RPL24: variants seen among roughly 807,000 people sequenced by gnomAD.
RPL24 encodes ribosomal protein L24, also known as large ribosomal subunit protein eL24.
A neutral mutation model predicts 26.4 loss-of-function variants in RPL24; 7 were observed. That is an observed-to-expected ratio of 0.27 (90% CI 0.15 to 0.50). RPL24 has a LOEUF of 0.50. RPL24 is among the 20% of genes least tolerant of loss of function. The pLI is 0.98. For missense variants in RPL24, 109 were observed against 194.9 expected, an observed-to-expected ratio of 0.56 and a Z score of 2.62; for synonymous variants, 67 against 65.2, an observed-to-expected ratio of 1.03 and a Z score of -0.13.
chr3:101,686,268 C>T (rs1166364070), intron 2 of RPL24: 2 of 593,498 alleles, frequency 3.4e-6, no homozygotes, highest in East Asian at 2.8e-5. Context: ...ACATCAGTTA[C>T]ATAAACCCCT....
chr3:101,685,948 G>T lies in RPL24; in HGVS notation c.82-20C>A. 6.8e-7 allele frequency: 1 copy of T among 1,464,500 alleles called. No homozygotes were observed. The highest frequency in any genetic ancestry group is 9.6e-7 in the Non-Finnish European group (1 of 1,043,626). 90.7% of individuals were successfully genotyped at this position (1,464,500 alleles called of 1,614,324 possible). On this transcript the variant is annotated intron_variant, in intron 2 of 5. Transcript: ENST00000394077. ...GAAAACCTAGAGTGACAAATGCAAAGGAATTACTATTTAACTATACAAAGT... is the reference window on the plus strand; with the variant it reads ...GAAAACCTAGAGTGACAAATGCAAATGAATTACTATTTAACTATACAAAGT...
intron 2 of RPL24, chr3:101,686,151 C>CTAT (rs1937338859): frequency 6.9e-6 from 4 of 578,104 alleles, no homozygotes; most frequent in African/African-American, 1.9e-5. Flanking sequence ...AATCTAGGCT[C>CTAT]ATAGCAAAGG....
At chr3:101,686,437 T>A in intron 2 of RPL24, 45 bp downstream of exon 2, 1 of 1,563,326 alleles carries the variant, frequency 6.4e-7, no homozygotes, top group East Asian at 2.3e-5. Flanking sequence ...CAGCCTTTCC[T>A]CCTCGGAGTA....
At position 101,682,566 on chromosome 3, in the gene RPL24, G is replaced by C. The variant is rs956191543; in HGVS notation, c.330-74C>G. On this transcript the variant is annotated intron_variant, in intron 4 of 5. Coordinates refer to ENST00000394077, the MANE Select transcript of RPL24 (RefSeq NM_000986.4). Reference sequence around the variant, plus strand: ...TACAACTTATTATTAGAGTTAGACTGTACTGGACAAGTACAATGACCATAT... The same window carrying C: ...TACAACTTATTATTAGAGTTAGACTCTACTGGACAAGTACAATGACCATAT... 3.1e-6 allele frequency: 4 copies of C among 1,288,238 alleles called. No homozygotes were observed. In the African/African-American group the frequency reaches 5.9e-5, roughly 19 times the overall value. 79.8% of individuals were successfully genotyped at this position (1,288,238 alleles called of 1,614,324 possible).
intron 3 of RPL24, among the ~76,000 whole-genome samples, chr3:101,684,685 G>GGGA (rs2108339992): frequency 6.7e-6 from 1 of 148,552 alleles, no homozygotes; most frequent in South Asian, 2.2e-4. Context: ...AGGCGGAGGT[G>GGGA]GGAGGATCAC....
At chr3:101,682,936 AG>A in intron 3 of RPL24, 29 bp from the exon 4 acceptor site, 6 of 1,592,276 alleles carry the variant, frequency 3.8e-6, no homozygotes, top group Non-Finnish European at 5.1e-6. Context: ...GGGCACACTT[AG>A]GAACCTTCCT....
intron 5 of RPL24, chr3:101,682,148 T>C: frequency 2.9e-6 from 1 of 345,916 alleles, no homozygotes; most frequent in Middle Eastern, 9.0e-4. Context: ...GGTCAAGAGT[T>C]CAAGACCAGC....
rs750233081 is a variant in RPL24 at position 101,682,917 on chromosome 3, A to C, written c.193-10T>G. On this transcript the variant is annotated splice_polypyrimidine_tract_variant and intron_variant, in intron 3 of 5. Transcript: ENST00000394077. ...TCTTTTGAATTTCTTCCTGCAAAAC[A>C]AAGATGAGGGGCACACTTAGGAACC... 19 of 1,612,614 alleles carry C rather than the reference A, an allele frequency of 1.2e-5. No individual in the cohort carries two copies. The highest frequency in any genetic ancestry group is 3.3e-4 in the Middle Eastern group (2 of 6,082).
At position 101,685,907 on chromosome 3, in the gene RPL24, T is replaced by G; in HGVS notation, c.103A>C (p.Lys35Gln). The change falls in exon 3 of 6, where the codon AAA becomes CAA. Residue 35 changes from lysine to glutamine, a missense_variant. Lys to Gln is a moderately conservative substitution (Grantham distance 53). Coordinates refer to ENST00000394077, the MANE Select transcript of RPL24 (RefSeq NM_000986.4). ...DGKVFQFLNA[K>Q]CESAFLSKRN... Reference sequence around the variant, plus strand: ...TTGGAAAGGAAAGCCGACTCGCATTTCGCATTAAGAAACTGGAAAACCTAG... The same window carrying G: ...TTGGAAAGGAAAGCCGACTCGCATTGCGCATTAAGAAACTGGAAAACCTAG... The G allele has an allele frequency of 6.2e-7, 1 of 1,613,596 alleles. No homozygotes were observed. Among genetic ancestry groups the G allele is most frequent in the Non-Finnish European group, 8.5e-7 (1 of 1,179,464 alleles).
Position 101,682,598 on chromosome 3 carries a change from C to T in RPL24, c.330-106G>A, listed in dbSNP as rs1211197427. 5.3e-6 allele frequency: 6 copies of T among 1,125,264 alleles called. No homozygotes were observed. The African/African-American group carries it at 7.9e-5, about 15-fold the overall frequency. The allele number at this position is 1,125,264 out of a possible 1,614,324, so 69.7% of individuals were successfully genotyped here. ...ACAAGTACAATGACCATATTCCTTC[C>T]TTCCCTACCTCCATTTATTTGTAGG... On this transcript the variant is annotated intron_variant, in intron 4 of 5. Transcript: ENST00000394077.
rs1168487307 is a variant in RPL24, at chr3:101,682,837, G to A, written c.263C>T (p.Ala88Val). The A allele has an allele frequency of 6.2e-7, 1 of 1,613,458 alleles. No homozygotes were observed. The highest frequency in any genetic ancestry group is 1.3e-5 in the African/African-American group (1 of 74,878). ...FQRAITGASL[A>V]DIMAKRNQKP... ...CTGATTCCTCTTGGCCATTATATCA[G>A]CAAGAGATGCACCAGTAATGGCCCT... Residue 88 changes from alanine (A) to valine (V), a missense_variant, in exon 4 of 6, where the codon GCT (alanine) becomes GTT (valine). Ala to Val is a moderately conservative substitution (Grantham distance 64). Coordinates refer to ENST00000394077, the MANE Select transcript of RPL24 (RefSeq NM_000986.4).
intron 5 of RPL24, 40 bp from the exon 6 acceptor site, chr3:101,681,255 G>A (rs756144938): frequency 5.6e-6 from 8 of 1,416,692 alleles, no homozygotes; most frequent in East Asian, 4.5e-5. Flanking sequence ...CAAAACTTTT[G>A]TTACCCTATT....
intron 1 of RPL24, 28 bp from the exon 2 acceptor site, chr3:101,686,585 G>A (rs748378904): frequency 1.9e-6 from 3 of 1,613,976 alleles, no homozygotes; most frequent in African/African-American, 2.7e-5. Flanking sequence ...AGTCCATCAG[G>A]GAGGGTGTCT....
chr3:101,682,632 A>G, intron 4 of RPL24, 139 bp downstream of exon 4: 1 of 1,180,992 alleles, frequency 8.5e-7, no homozygotes, highest in Non-Finnish European at 1.2e-6. Flanking sequence ...GGCTAAATCC[A>G]AAGAATTTGT....
chr3:101,684,170 T>A (rs886377206), intron 3 of RPL24, among the ~76,000 whole-genome samples: 4 of 148,654 alleles, frequency 2.7e-5, no homozygotes, highest in Non-Finnish European at 4.5e-5. Context: ...ATTTTAACTT[T>A]TTTTTTTTTT....
chr3:101,685,173 CTGT>C (rs1264104903), intron 3 of RPL24, among the ~76,000 whole-genome samples: 2 of 151,618 alleles, frequency 1.3e-5, no homozygotes, highest in African/African-American at 2.4e-5. Context: ...CCTGTAATTC[CTGT>C]TTTTTTTTTT....
chr3:101,681,245 C>T (rs757528666), intron 5 of RPL24, 30 bp from the exon 6 acceptor site: 1 of 1,530,858 alleles, frequency 6.5e-7, no homozygotes, highest in Non-Finnish European at 9.1e-7. Flanking sequence ...TATTACTCCA[C>T]AAAACTTTTG....
At chr3:101,681,758 T>C (rs1937266219) in intron 5 of RPL24, 1 of 154,830 alleles carries the variant, frequency 6.5e-6, no homozygotes, top group Non-Finnish European at 1.4e-5. Flanking sequence ...GGAGGATCAC[T>C]TGAGCCCAGG....
At position 101,682,446 on chromosome 3, in the gene RPL24, C is replaced by T; in HGVS notation, c.376G>A (p.Ala126Thr). 6.2e-7 allele frequency: 1 copy of T among 1,613,542 alleles called. No individual in the cohort carries two copies. Among genetic ancestry groups the T allele is most frequent in the Non-Finnish European group, 8.5e-7 (1 of 1,179,434 alleles). Reference protein sequence around the residue: ...KKAKQASKKTAMAAAKAPTKA... With the variant: ...KKAKQASKKTTMAAAKAPTKA... ...ATAATTACCTTAGCAGCAGCCATTG[C>T]AGTCTTTTTAGATGCTTGCTTAGCC... The change falls in exon 5 of 6, where the codon GCA becomes ACA. Residue 126 changes from alanine (A) to threonine (T), a missense_variant. By Grantham distance (58) the Ala-to-Thr change is moderately conservative. Transcript: ENST00000394077.
Sources: gnomAD v4.1 joint callset for allele counts (sites outside exome capture counted in the v4.1 genomes callset) on GRCh38, gnomAD v4.1.1 for gene constraint, MANE v1.5 for transcripts, NCBI Gene and HGNC (gene_info 2026-07-23, HGNC 2026-07-21) for gene names.